Variants in SLC12A6 observed in about 807,000 individuals in gnomAD.
SLC12A6 encodes K-Cl cotransporter 3.
SLC12A6 carries 66 observed loss-of-function variants against 135.3 expected under a neutral mutation model. The ratio of observed to expected loss-of-function variants is 0.49; its 90% confidence interval spans 0.40 to 0.60. The LOEUF is 0.60. SLC12A6 is among the 20% of genes least tolerant of loss of function. The pLI is 0.00. For synonymous variants in SLC12A6, 513 were observed against 508.8 expected (o/e 1.01, Z -0.11); for missense variants, 1,058 against 1,452.3 (o/e 0.73, Z 4.41).
intron 2 of SLC12A6, among the ~76,000 whole-genome samples, chr15:34,333,076 G>T (rs1469573856): frequency 6.6e-6 from 1 of 151,842 alleles, no homozygotes; most frequent in Non-Finnish European, 1.5e-5. Flanking sequence ...ATTAAAATGT[G>T]GTTTGATCAG....
intron 16 of SLC12A6, among the ~76,000 whole-genome samples, chr15:34,242,931 G>A (rs1891744548): frequency 6.6e-6 from 1 of 152,152 alleles, no homozygotes; most frequent in African/African-American, 2.4e-5. Flanking sequence ...TCGGGAGGCT[G>A]AGGCAGGAGA....
chr15:34,318,370 AAACAATCC>A (rs1480378353), intron 2 of SLC12A6, among the ~76,000 whole-genome samples: 3 of 152,226 alleles, frequency 2.0e-5, no homozygotes, highest in Admixed American at 2.0e-4. Context: ...TTGTGGGGAA[AAACAATCC>A]AGTGTGTGAG....
chr15:34,284,281 T>C (rs1162204139), intron 2 of SLC12A6, among the ~76,000 whole-genome samples: 2 of 131,870 alleles, frequency 1.5e-5, no homozygotes, highest in East Asian at 2.1e-4. Context: ...TCTTTTCTTT[T>C]TTTTTTTTTT....
At chr15:34,289,738 T>G (rs1895380330) in intron 2 of SLC12A6, among the ~76,000 whole-genome samples, 1 of 152,194 alleles carries the variant, frequency 6.6e-6, no homozygotes, top group Non-Finnish European at 1.5e-5. Context: ...ATTTATCCAT[T>G]TCTTCTAGAT....
intron 8 of SLC12A6, 86 bp downstream of exon 8, chr15:34,255,176 T>C: frequency 9.2e-7 from 1 of 1,086,098 alleles, no homozygotes. Context: ...TTCCCACAGC[T>C]GATCTCTCAG....
At chr15:34,312,860 A>G (rs1169514633) in intron 2 of SLC12A6, among the ~76,000 whole-genome samples, 1 of 152,174 alleles carries the variant, frequency 6.6e-6, no homozygotes, top group Non-Finnish European at 1.5e-5. Flanking sequence ...CTTTTTCATT[A>G]TAACTATACT....
chr15:34,318,787 C>G, intron 2 of SLC12A6: 1 of 1,577,308 alleles, frequency 6.3e-7, no homozygotes, highest in Non-Finnish European at 8.6e-7. Context: ...TCCCTGCCTA[C>G]AAGAGACAGT....
At chr15:34,329,778 G>T (rs903512462) in intron 2 of SLC12A6, among the ~76,000 whole-genome samples, 1 of 152,158 alleles carries the variant, frequency 6.6e-6, no homozygotes. Flanking sequence ...CACTTTGAGA[G>T]ACCCAAGTGA....
Position 34,275,368 on chromosome 15 carries a change from G to T in SLC12A6, c.293C>A (p.Thr98Lys), listed in dbSNP as rs143956604. 174 of 1,547,302 alleles carry T rather than the reference G, an allele frequency of 1.1e-4. No homozygotes were observed. Among genetic ancestry groups the T allele is most frequent in the Non-Finnish European group, 1.5e-4 (163 of 1,119,792 alleles). The stretch of plus-strand genomic sequence containing the variant: ...ACCTAACAGTTGGCTGTGTTCCCCT[G>T]TGATGGAGTTCTGACTCAGGTCTGA... The part of the protein sequence containing the change: ...VIEDLSQNSI[T>K]GEHSQLLDDG... The change falls in exon 3 of 26, where the codon ACA (threonine) becomes AAA (lysine). Residue 98 changes from threonine to lysine, a missense_variant. Thr to Lys is a moderately conservative substitution (Grantham distance 78, BLOSUM62 -1). Transcript: ENST00000354181.
chr15:34,282,853 T>A (rs183656469), intron 2 of SLC12A6, among the ~76,000 whole-genome samples: 25 of 152,346 alleles, frequency 1.6e-4, no homozygotes, highest in Admixed American at 1.6e-3. Flanking sequence ...GACTCAATTT[T>A]ATGGGAGGAG....
At chr15:34,247,999 C>T (rs946357649) in intron 13 of SLC12A6, among the ~76,000 whole-genome samples, 1 of 152,152 alleles carries the variant, frequency 6.6e-6, no homozygotes, top group South Asian at 2.1e-4. Flanking sequence ...GCCACCATAC[C>T]CAGCCCTCTG....
intron 2 of SLC12A6, among the ~76,000 whole-genome samples, chr15:34,319,805 AAAAG>A (rs1217917336): frequency 2.0e-5 from 3 of 150,106 alleles, no homozygotes; most frequent in Non-Finnish European, 4.4e-5. Flanking sequence ...TCTAAAAAAA[AAAAG>A]AAAGAAAAAG....
intron 2 of SLC12A6, among the ~76,000 whole-genome samples, chr15:34,288,373 T>C (rs1895267637): frequency 6.6e-6 from 1 of 152,252 alleles, no homozygotes; most frequent in Admixed American, 6.5e-5. Context: ...CCATGCTGTT[T>C]TGGATACTGT....
At chr15:34,302,970 A>G (rs1300704938) in intron 2 of SLC12A6, among the ~76,000 whole-genome samples, 1 of 151,288 alleles carries the variant, frequency 6.6e-6, no homozygotes, top group African/African-American at 2.4e-5. Context: ...AAAAAAAAAA[A>G]AAAAAAAAAA....
At position 34,249,457 on chromosome 15, in the gene SLC12A6, C is replaced by G. The variant is rs575325983; in HGVS notation, c.1649+841G>C. Among the ~76,000 whole-genome samples the G allele has an allele frequency of 1.2e-4, 19 of 152,206 alleles. No homozygotes were observed. The East Asian group carries it at 3.7e-3, about 29-fold the overall frequency. ...TGGTATGCACCTGTGGTCCCAGCTA[C>G]TTGGGAAGCTGAGGCGGGAGGATTA... On this transcript the variant is annotated intron_variant, in intron 13 of 25. Coordinates refer to ENST00000354181, the MANE Select transcript of SLC12A6 (RefSeq NM_001365088.1).
At position 34,233,992 on chromosome 15, in the gene SLC12A6, G is replaced by C. The variant is rs375277662; in HGVS notation, c.3362-20C>G. On this transcript the variant is annotated intron_variant, in intron 25 of 25. Coordinates refer to ENST00000354181, the MANE Select transcript of SLC12A6 (RefSeq NM_001365088.1). ...CCATGTCTTCAAAACTTGTCAAGGAGACAGGCAAAAGAAGAGCACAAACTT... is the reference window on the plus strand; with the variant it reads ...CCATGTCTTCAAAACTTGTCAAGGACACAGGCAAAAGAAGAGCACAAACTT... 3.2e-5 allele frequency: 42 copies of C among 1,321,090 alleles called. No individual in the cohort carries two copies. The highest frequency in any genetic ancestry group is 4.4e-5 in the Non-Finnish European group (40 of 912,228). The allele number at this position is 1,321,090 out of a possible 1,614,324, so 81.8% of individuals were successfully genotyped here. A position where few individuals can be genotyped will look rare whatever the true frequency, so the allele number is the denominator to read the frequency against.
chr15:34,332,936 G>C (rs1006342050), intron 2 of SLC12A6, among the ~76,000 whole-genome samples: 2 of 152,090 alleles, frequency 1.3e-5, no homozygotes, highest in Non-Finnish European at 2.9e-5. Flanking sequence ...TAAAAGTCAG[G>C]AGGCCTGAAC....
intron 2 of SLC12A6, among the ~76,000 whole-genome samples, chr15:34,281,153 G>A (rs1269481868): frequency 1.3e-5 from 2 of 152,124 alleles, no homozygotes; most frequent in African/African-American, 4.8e-5. Context: ...GATGACTACG[G>A]TTAACAATAA....
At position 34,307,103 on chromosome 15, in the gene SLC12A6, A is replaced by G. The variant is rs79887973; in HGVS notation, c.271+29307T>C. Among the ~76,000 whole-genome samples the G allele has an allele frequency of 4.6e-3, 695 of 152,354 alleles. 3 individuals are homozygous for G. Among genetic ancestry groups the G allele is most frequent in the African/African-American group, 0.016 (672 of 41,588 alleles). ...TTCATTATAATTATTTCATGGGCATATAAATGTCAAAATTCATCAACAAAA... is the reference window on the plus strand; with the variant it reads ...TTCATTATAATTATTTCATGGGCATGTAAATGTCAAAATTCATCAACAAAA... On this transcript the variant is annotated intron_variant, in intron 2 of 25. Coordinates refer to ENST00000354181, the MANE Select transcript of SLC12A6 (RefSeq NM_001365088.1).
Sources: allele counts gnomAD v4.1 joint callset (sites outside exome capture counted in the v4.1 genomes callset), GRCh38; gene constraint gnomAD v4.1.1; transcripts MANE v1.5; gene names NCBI Gene and HGNC (gene_info 2026-07-23, HGNC 2026-07-21).